PDE11A: variants seen among roughly 807,000 people sequenced by gnomAD.
PDE11A encodes phosphodiesterase 11A, also known as dual 3',5'-cyclic-AMP and -GMP phosphodiesterase 11A.
In PDE11A, 100 loss-of-function variants were observed where a neutral mutation model predicts 100.5. The ratio of observed to expected loss-of-function variants is 1.00; its 90% CI spans 0.85 to 1.18. PDE11A has a LOEUF of 1.18. Ranked by LOEUF, PDE11A falls within the 50% of genes most tolerant of loss-of-function variation. PDE11A has a pLI of 0.00. For synonymous variants in PDE11A, 381 were observed against 420.8 expected (o/e 0.91, Z 1.16); for missense variants, 1,141 against 1,152.6 (o/e 0.99, Z 0.15).
intron 1 of PDE11A, among the ~76,000 whole-genome samples, chr2:178,040,154 T>C (rs1194592886): frequency 4.3e-5 from 6 of 140,864 alleles, no homozygotes; most frequent in Admixed American, 1.6e-4. Flanking sequence ...AACCTCCACC[T>C]TCTGGATTCA....
At chr2:177,874,101 C>G (rs1558985167) in intron 5 of PDE11A, among the ~76,000 whole-genome samples, 1 of 152,190 alleles carries the variant, frequency 6.6e-6, no homozygotes, top group East Asian at 1.9e-4. Context: ...ATGAGATCAA[C>G]AAGCAGATTT....
chr2:177,896,694 C>T (rs567230846), intron 4 of PDE11A, among the ~76,000 whole-genome samples: 183 of 152,342 alleles, frequency 1.2e-3, no homozygotes, highest in South Asian at 5.4e-3. Context: ...GTCACACAAC[C>T]TTCTGAGCCT....
intron 12 of PDE11A, among the ~76,000 whole-genome samples, chr2:177,715,313 TC>T (rs1348494014): frequency 6.6e-6 from 1 of 152,212 alleles, no homozygotes; most frequent in Non-Finnish European, 1.5e-5. Flanking sequence ...TGATTTTCTT[TC>T]TTTTAGAATT....
intron 2 of PDE11A, chr2:177,998,702 C>A (rs2086107434): frequency 3.3e-5 from 36 of 1,088,334 alleles, no homozygotes; most frequent in Non-Finnish European, 5.0e-5. Flanking sequence ...CATCTTTATG[C>A]TGGCCCACTC....
intron 10 of PDE11A, among the ~76,000 whole-genome samples, chr2:177,757,387 T>C (rs978735947): frequency 6.6e-6 from 1 of 152,200 alleles, no homozygotes; most frequent in African/African-American, 2.4e-5. Flanking sequence ...GATGCCTCCT[T>C]CAGAGGCTTG....
At chr2:177,656,820 C>T (rs890474737) in intron 19 of PDE11A, among the ~76,000 whole-genome samples, 2 of 152,076 alleles carry the variant, frequency 1.3e-5, no homozygotes, top group African/African-American at 2.4e-5. Context: ...CATATGAGAG[C>T]GAGGAGGCAT....
intron 6 of PDE11A, among the ~76,000 whole-genome samples, chr2:177,828,527 T>C (rs755308287): frequency 1.6e-4 from 25 of 152,008 alleles, no homozygotes; most frequent in African/African-American, 2.7e-4. Context: ...GTTAAGATGA[T>C]AGGGAAAAAA....
At chr2:178,048,660 A>T (rs1444984386) in intron 1 of PDE11A, among the ~76,000 whole-genome samples, 1 of 152,164 alleles carries the variant, frequency 6.6e-6, no homozygotes, top group Non-Finnish European at 1.5e-5. Context: ...CCAAAGGGAC[A>T]GGCCCCTTGC....
At chr2:177,739,047 C>T (rs2081835068) in intron 10 of PDE11A, among the ~76,000 whole-genome samples, 1 of 152,150 alleles carries the variant, frequency 6.6e-6, no homozygotes, top group Non-Finnish European at 1.5e-5. Flanking sequence ...AGGAACAAGC[C>T]AACACTAACA....
At chr2:177,835,271 A>G (rs1041382386) in intron 6 of PDE11A, among the ~76,000 whole-genome samples, 3 of 152,164 alleles carry the variant, frequency 2.0e-5, no homozygotes, top group Non-Finnish European at 4.4e-5. Flanking sequence ...CTGTCTTCCT[A>G]GCTGGGTAAC....
intron 9 of PDE11A, among the ~76,000 whole-genome samples, chr2:177,808,964 A>C (rs1280376777): frequency 6.6e-6 from 1 of 152,222 alleles, no homozygotes; most frequent in Non-Finnish European, 1.5e-5. Context: ...CACATGCTAC[A>C]ACCTTAATGA....
chr2:177,673,798 G>A lies in PDE11A; in HGVS notation c.2487+1657C>T, dbSNP rs572739296. ...CTTTCTCCTTTCTGAGCAAATAGAAGGATGGTACTTCCTGGTTGGGTGGGG... is the reference window on the plus strand; with the variant it reads ...CTTTCTCCTTTCTGAGCAAATAGAAAGATGGTACTTCCTGGTTGGGTGGGG... On this transcript the variant is annotated intron_variant, in intron 17 of 19. Coordinates refer to ENST00000286063, the MANE Select transcript of PDE11A (RefSeq NM_016953.4). Among the ~76,000 whole-genome samples the A allele has an allele frequency of 1.9e-4, 29 of 152,286 alleles. No individual in the cohort carries two copies. The South Asian group carries it at 6.0e-3, about 32-fold the overall frequency.
chr2:177,988,123 A>T (rs1233702363), intron 2 of PDE11A, among the ~76,000 whole-genome samples: 1 of 152,212 alleles, frequency 6.6e-6, no homozygotes, highest in East Asian at 1.9e-4. Flanking sequence ...CCAGGCCTGG[A>T]TCAATAAACA....
intron 10 of PDE11A, among the ~76,000 whole-genome samples, chr2:177,730,597 T>C (rs1408192605): frequency 6.6e-6 from 1 of 152,050 alleles, no homozygotes; most frequent in Non-Finnish European, 1.5e-5. Context: ...CTTCTTACTG[T>C]TGAGATTTTA....
At chr2:178,063,150 G>T (rs2086995083) in intron 1 of PDE11A, among the ~76,000 whole-genome samples, 1 of 152,134 alleles carries the variant, frequency 6.6e-6, no homozygotes, top group Non-Finnish European at 1.5e-5. Context: ...ATTGCATTTT[G>T]TACTAGAAAA....
intron 4 of PDE11A, among the ~76,000 whole-genome samples, chr2:177,879,015 A>AT (rs1485957291): frequency 6.6e-6 from 1 of 152,144 alleles, no homozygotes; most frequent in Admixed American, 6.5e-5. Context: ...TGAGCAGGAC[A>AT]TTTTTTTAAT....
intron 9 of PDE11A, among the ~76,000 whole-genome samples, chr2:177,806,010 G>A (rs769058401): frequency 3.9e-5 from 6 of 152,210 alleles, no homozygotes; most frequent in Non-Finnish European, 8.8e-5. Context: ...ATAGTGGAGA[G>A]ATGAGCCTGC....
intron 13 of PDE11A, among the ~76,000 whole-genome samples, chr2:177,708,249 T>A (rs1307437085): frequency 6.6e-6 from 1 of 151,754 alleles, no homozygotes; most frequent in Non-Finnish European, 1.5e-5. Context: ...TGATTGAATT[T>A]TAAAAAATGT....
chr2:177,700,735 T>G (rs2081184630), intron 14 of PDE11A, among the ~76,000 whole-genome samples: 5 of 152,222 alleles, frequency 3.3e-5, no homozygotes, highest in Admixed American at 3.3e-4. Context: ...TCTACCATCT[T>G]TTAAAATGAC....
Sources: allele counts gnomAD v4.1 joint callset (sites outside exome capture counted in the v4.1 genomes callset), GRCh38; gene constraint gnomAD v4.1.1; transcripts MANE v1.5; gene names NCBI Gene and HGNC (gene_info 2026-07-23, HGNC 2026-07-21).